Variants in RAD18 observed in about 807,000 individuals in gnomAD.
RAD18 encodes RAD18 E3 ubiquitin protein ligase.
Under a neutral mutation model 60.4 loss-of-function variants are expected in RAD18, and 47 were observed. The ratio of observed to expected loss-of-function variants is 0.78; its 90% CI spans 0.62 to 0.99. The LOEUF is 0.99. Ranked by LOEUF, RAD18 falls within the 50% of genes least tolerant of loss-of-function variation. RAD18 has a pLI of 0.00. For synonymous variants in RAD18, 225 were observed against 195.5 expected (o/e 1.15, Z -1.26); for missense variants, 640 against 593.3 (o/e 1.08, Z -0.82).
intron 7 of RAD18, among the ~76,000 whole-genome samples, chr3:8,920,332 G>A: frequency 6.7e-6 from 1 of 150,054 alleles, no homozygotes; most frequent in East Asian, 2.0e-4. Context: ...AGAGGGAAGG[G>A]CTCTTGTTTT....
intron 10 of RAD18, among the ~76,000 whole-genome samples, chr3:8,901,802 T>A (rs1004413508): frequency 2.6e-5 from 4 of 152,192 alleles, no homozygotes; most frequent in African/African-American, 9.6e-5. Flanking sequence ...AAGATAAACA[T>A]TGTGTTATGT....
chr3:8,916,800 GA>G (rs1332021178), intron 7 of RAD18, among the ~76,000 whole-genome samples: 1 of 149,860 alleles, frequency 6.7e-6, no homozygotes, highest in Non-Finnish European at 1.5e-5. Flanking sequence ...CACAGAGAGA[GA>G]AAAAAAGGAA....
intron 9 of RAD18, among the ~76,000 whole-genome samples, 200 bp downstream of exon 9, chr3:8,912,112 T>C (rs192265200): frequency 6.6e-6 from 1 of 152,246 alleles, no homozygotes; most frequent in East Asian, 1.9e-4. Flanking sequence ...AGTAGAATGC[T>C]AGTCATAAAA....
intron 11 of RAD18, among the ~76,000 whole-genome samples, chr3:8,893,541 A>G (rs959853232): frequency 6.6e-6 from 1 of 152,186 alleles, no homozygotes; most frequent in Non-Finnish European, 1.5e-5. Context: ...TTATATGCCA[A>G]ATATTTTAGC....
At chr3:8,891,711 A>C (rs972689312) in intron 11 of RAD18, among the ~76,000 whole-genome samples, 2 of 152,150 alleles carry the variant, frequency 1.3e-5, no homozygotes, top group African/African-American at 4.8e-5. Context: ...CTGAATGATA[A>C]CCAAATCACT....
Position 8,898,947 on chromosome 3 carries a change from G to C in RAD18, c.1269C>G (p.Ser423Arg). Residue 423 changes from serine (S) to arginine (R), a missense_variant, in exon 11 of 13, where the codon AGC becomes AGG. Transcript: ENST00000264926. ...AAAGAACTTCTTGAATATCAATACAGCTAGAAGAATCCTCTTCTCTGTCAG... is the reference window on the plus strand; with the variant it reads ...AAAGAACTTCTTGAATATCAATACACCTAGAAGAATCCTCTTCTCTGTCAG... ...LEPDREEDSS[S>R]CIDIQEVLSS... The C allele has an allele frequency of 6.2e-7, 1 of 1,607,098 alleles. No individual in the cohort carries two copies. Among genetic ancestry groups the C allele is most frequent in the Non-Finnish European group, 8.5e-7 (1 of 1,175,448 alleles).
At position 8,941,480 on chromosome 3, in the gene RAD18, T is replaced by C; in HGVS notation, c.591A>G (p.Lys197=). ...ATAACTTCCTACCTTTAGTAACTTGTTTCAAAGTGGATGTCGAGGGTGGCT... is the reference window on the plus strand; with the variant it reads ...ATAACTTCCTACCTTTAGTAACTTGCTTCAAAGTGGATGTCGAGGGTGGCT... ...RPEPPSTSTL[K]QVTKVDCPVC... Residue 197 remains lysine, a synonymous_variant, in exon 5 of 13, where the codon AAA becomes AAG. Transcript: ENST00000264926. The C allele has an allele frequency of 6.2e-7, 1 of 1,604,274 alleles. No individual in the cohort carries two copies. Among genetic ancestry groups the C allele is most frequent in the Non-Finnish European group, 8.5e-7 (1 of 1,173,104 alleles).
At chr3:8,916,672 T>C (rs1224086258) in intron 7 of RAD18, among the ~76,000 whole-genome samples, 1 of 151,716 alleles carries the variant, frequency 6.6e-6, no homozygotes, top group Non-Finnish European at 1.5e-5. Flanking sequence ...AAGAATAAAA[T>C]AGAAATGTTA....
intron 7 of RAD18, among the ~76,000 whole-genome samples, chr3:8,933,109 T>TAAATAAATA (rs1553627161): frequency 6.7e-6 from 1 of 149,704 alleles, no homozygotes; most frequent in Admixed American, 6.6e-5. Flanking sequence ...AATAAATAAA[T>TAAATAAATA]AAATAAAATA....
chr3:8,935,767 A>T, intron 7 of RAD18, 104 bp downstream of exon 7: 3 of 1,131,012 alleles, frequency 2.7e-6, no homozygotes, highest in Non-Finnish European at 3.7e-6. Context: ...TTATCTATCA[A>T]AAATGTATTT....
chr3:8,907,889 C>T (rs1357547623), intron 9 of RAD18, among the ~76,000 whole-genome samples: 1 of 152,222 alleles, frequency 6.6e-6, no homozygotes, highest in African/African-American at 2.4e-5. Context: ...ACAGAGCCTG[C>T]TCCCACCAGA....
intron 1 of RAD18, among the ~76,000 whole-genome samples, chr3:8,961,674 G>A (rs969976847): frequency 5.9e-5 from 9 of 152,086 alleles, no homozygotes; most frequent in African/African-American, 1.9e-4. Context: ...ATACTGAAAG[G>A]GGCTGGTTTT....
intron 11 of RAD18, among the ~76,000 whole-genome samples, chr3:8,891,081 T>A (rs201890244): frequency 3.2e-3 from 82 of 25,458 alleles, no homozygotes; most frequent in South Asian, 8.0e-3. Context: ...ATAAAATATA[T>A]ATATATATAT....
At chr3:8,958,836 T>A in intron 2 of RAD18, 84 bp downstream of exon 2, 2 of 1,051,090 alleles carry the variant, frequency 1.9e-6, no homozygotes, top group Non-Finnish European at 3.0e-6. Context: ...AACATAAATA[T>A]GTGCACATAT....
At position 8,880,088 on chromosome 3, in the gene RAD18, T is replaced by G. The variant is rs557395301; in HGVS notation, c.*1269A>C. On this transcript the variant is annotated 3_prime_UTR_variant, in exon 13 of 13. Coordinates refer to ENST00000264926, the MANE Select transcript of RAD18 (RefSeq NM_020165.4). ...CCTTAATGCACCCCTCAGGATTTCA[T>G]GCAAATGAAATTATTATGACAAATT... The G allele has an allele frequency of 6.6e-6, 1 of 152,212 alleles. No individual in the cohort carries two copies. Among genetic ancestry groups the G allele is most frequent in the Non-Finnish European group, 1.5e-5 (1 of 68,042 alleles). 9.4% of individuals were successfully genotyped at this position (152,212 alleles called of 1,614,324 possible).
At chr3:8,950,645 C>G (rs1046661174) in intron 2 of RAD18, among the ~76,000 whole-genome samples, 21 of 152,168 alleles carry the variant, frequency 1.4e-4, no homozygotes, top group East Asian at 5.8e-4. Flanking sequence ...AACAAAAAAA[C>G]CACAAGGAAA....
chr3:8,881,730 G>C (rs533904033), intron 12 of RAD18, among the ~76,000 whole-genome samples: 2 of 152,092 alleles, frequency 1.3e-5, no homozygotes, highest in Non-Finnish European at 2.9e-5. Context: ...AGAGGGCTGG[G>C]AAAAAACGGC....
chr3:8,894,503 G>A (rs968778268), intron 11 of RAD18, among the ~76,000 whole-genome samples: 1 of 152,048 alleles, frequency 6.6e-6, no homozygotes, highest in Non-Finnish European at 1.5e-5. Flanking sequence ...TTTTCAATGA[G>A]GAAACTGAAA....
chr3:8,948,602 T>C, intron 2 of RAD18, 32 bp from the exon 3 acceptor site: 1 of 1,525,858 alleles, frequency 6.6e-7, no homozygotes, highest in Non-Finnish European at 9.1e-7. Flanking sequence ...ATAATGTTAA[T>C]TAAGCTATAT....
Sources: gnomAD v4.1 joint callset for allele counts (sites outside exome capture counted in the v4.1 genomes callset) on GRCh38, gnomAD v4.1.1 for gene constraint, MANE v1.5 for transcripts, NCBI Gene and HGNC (gene_info 2026-07-23, HGNC 2026-07-21) for gene names.